The following SEMA5A variants were observed in gnomAD, a reference collection of about 807,000 sequenced individuals.
SEMA5A encodes the protein semaphorin-5A.
SEMA5A carries 55 observed loss-of-function variants against 135.5 expected under a neutral mutation model. The observed-to-expected ratio is 0.41, with a 90% CI of 0.33 to 0.51. SEMA5A has a LOEUF of 0.51. Ranked by LOEUF, SEMA5A falls within the 20% of genes least tolerant of loss-of-function variation. The pLI, the probability that SEMA5A is intolerant of heterozygous loss-of-function variation, is 0.37. For synonymous variants in SEMA5A, 580 were observed against 546.5 expected, an observed-to-expected ratio of 1.06 and a Z score of -0.85; for missense variants, 1,290 against 1,419.9, an observed-to-expected ratio of 0.91 and a Z score of 1.47.
chr5:9,291,246 C>T lies in SEMA5A; in HGVS notation c.270+27126G>A, dbSNP rs189352703. ...CCAGAGTTTAAACAAGTTCTGGATG[C>T]GGCAGATTTTGCACTTCGCGGATGG... is the stretch of plus-strand genomic sequence containing the variant. On this transcript the variant is annotated intron_variant, in intron 5 of 22. Coordinates refer to ENST00000382496, the MANE Select transcript of SEMA5A (RefSeq NM_003966.3). Among the ~76,000 whole-genome samples the T allele has an allele frequency of 8.5e-5, 13 of 152,226 alleles. No homozygotes were observed. The East Asian group carries it at 1.7e-3, about 20-fold the overall frequency.
At chr5:9,106,887 T>A (rs1739945487) in intron 16 of SEMA5A, among the ~76,000 whole-genome samples, 1 of 152,214 alleles carries the variant, frequency 6.6e-6, no homozygotes, top group African/African-American at 2.4e-5. Context: ...TACGACAGTA[T>A]CTTTTCCATT....
At chr5:9,169,257 G>A (rs909039881) in intron 11 of SEMA5A, among the ~76,000 whole-genome samples, 1 of 152,158 alleles carries the variant, frequency 6.6e-6, no homozygotes, top group Non-Finnish European at 1.5e-5. Context: ...ATTTCACAAT[G>A]TGTTCGCATA....
chr5:9,508,939 A>G (rs184874841), intron 1 of SEMA5A, among the ~76,000 whole-genome samples: 6 of 152,300 alleles, frequency 3.9e-5, no homozygotes, highest in African/African-American at 1.2e-4. Flanking sequence ...ACAATGAGGC[A>G]ACCCCAAGGA....
chr5:9,535,914 G>C (rs1243016203), intron 1 of SEMA5A, among the ~76,000 whole-genome samples: 1 of 152,132 alleles, frequency 6.6e-6, no homozygotes, highest in East Asian at 1.9e-4. Context: ...TAACTGAATA[G>C]CCATACGTGC....
chr5:9,135,701 G>A (rs1187574372), intron 13 of SEMA5A, among the ~76,000 whole-genome samples: 3 of 152,064 alleles, frequency 2.0e-5, no homozygotes, highest in Non-Finnish European at 4.4e-5. Flanking sequence ...GTTTTGTAAA[G>A]GCAACATGAC....
chr5:9,085,812 T>C (rs180766608), intron 16 of SEMA5A, among the ~76,000 whole-genome samples: 3 of 152,190 alleles, frequency 2.0e-5, no homozygotes, highest in Admixed American at 1.3e-4. Flanking sequence ...GCTTGCACCA[T>C]GCACCCGGAA....
rs200542471 is a variant in SEMA5A, at chr5:9,376,705, C to A, written c.124+3118G>T. 3.3e-5 allele frequency among the ~76,000 whole-genome samples: 5 copies of A among 152,034 alleles called. No homozygotes were observed. The East Asian group carries it at 9.7e-4, about 29-fold the overall frequency. ...TTAAATGTTCATTGAAGGTTCACTCCGAATTAAAAACATGCAAATAAAAAT... is the reference window on the plus strand; with the variant it reads ...TTAAATGTTCATTGAAGGTTCACTCAGAATTAAAAACATGCAAATAAAAAT... On this transcript the variant is annotated intron_variant, in intron 3 of 22. Coordinates refer to ENST00000382496, the MANE Select transcript of SEMA5A (RefSeq NM_003966.3).
chr5:9,456,862 C>T (rs17259381), intron 1 of SEMA5A, among the ~76,000 whole-genome samples: 5,064 of 152,216 alleles, frequency 0.033, 95 homozygotes, highest in Middle Eastern at 0.054. Context: ...GGCTGTCTTA[C>T]CCAAGTAGAA....
At chr5:9,148,864 C>T (rs949605390) in intron 12 of SEMA5A, among the ~76,000 whole-genome samples, 5 of 152,106 alleles carry the variant, frequency 3.3e-5, no homozygotes, top group African/African-American at 1.2e-4. Flanking sequence ...TGATTTCAGG[C>T]ATGCGCTACC....
At chr5:9,452,727 C>A (rs1302609536) in intron 1 of SEMA5A, among the ~76,000 whole-genome samples, 1 of 152,106 alleles carries the variant, frequency 6.6e-6, no homozygotes, top group Non-Finnish European at 1.5e-5. Flanking sequence ...ATAAGAGGAA[C>A]CCCAGTTTCC....
At chr5:9,518,575 A>G (rs574999589) in intron 1 of SEMA5A, among the ~76,000 whole-genome samples, 1 of 152,206 alleles carries the variant, frequency 6.6e-6, no homozygotes, top group Non-Finnish European at 1.5e-5. Context: ...AACTTCACCC[A>G]ATTATGCCAA....
chr5:9,209,769 C>T (rs1261396370), intron 8 of SEMA5A, among the ~76,000 whole-genome samples: 2 of 152,116 alleles, frequency 1.3e-5, no homozygotes, highest in African/African-American at 4.8e-5. Flanking sequence ...GTCAGAGGCC[C>T]TTGACTGGGA....
intron 11 of SEMA5A, among the ~76,000 whole-genome samples, chr5:9,176,500 C>A (rs1294575844): frequency 2.6e-5 from 4 of 152,208 alleles, no homozygotes; most frequent in African/African-American, 9.6e-5. Flanking sequence ...GGTCCAGGAC[C>A]ATGGAAATTG....
rs191381228 is a variant in SEMA5A at position 9,477,834 on chromosome 5, A to G, written c.-174-39982T>C. Among the ~76,000 whole-genome samples, 494 of 152,346 alleles carry G rather than the reference A, an allele frequency of 3.2e-3. 2 individuals are homozygous for G. The South Asian group carries it at 0.042, about 13-fold the overall frequency. On this transcript the variant is annotated intron_variant, in intron 1 of 22. Transcript: ENST00000382496. ...CAGTCTGACCATGCAGTAGAAAAGA[A>G]AAAAACATTTCATAGGGAGAAATTC...
intron 5 of SEMA5A, among the ~76,000 whole-genome samples, chr5:9,292,650 G>T (rs1204748549): frequency 6.6e-6 from 1 of 151,608 alleles, no homozygotes; most frequent in Non-Finnish European, 1.5e-5. Context: ...AATAAAAGCT[G>T]CAAAAAAAAC....
At chr5:9,150,447 T>TCTC (rs1397059167) in intron 12 of SEMA5A, among the ~76,000 whole-genome samples, 2 of 152,196 alleles carry the variant, frequency 1.3e-5, no homozygotes, top group Non-Finnish European at 2.9e-5. Flanking sequence ...TGAATGATTT[T>TCTC]CTCACTCTAT....
chr5:9,177,289 T>C (rs1279346538), intron 11 of SEMA5A, among the ~76,000 whole-genome samples: 2 of 152,164 alleles, frequency 1.3e-5, no homozygotes, highest in East Asian at 1.9e-4. Flanking sequence ...GACTTCAGGG[T>C]GCAGGTTACA....
chr5:9,257,686 C>G (rs918318846), intron 5 of SEMA5A, among the ~76,000 whole-genome samples: 1 of 152,090 alleles, frequency 6.6e-6, no homozygotes, highest in African/African-American at 2.4e-5. Flanking sequence ...TTACCCTTCC[C>G]CTTGGTCATA....
intron 11 of SEMA5A, among the ~76,000 whole-genome samples, chr5:9,171,673 C>A (rs540903143): frequency 1.9e-4 from 29 of 152,220 alleles, no homozygotes; most frequent in African/African-American, 6.3e-4. Flanking sequence ...GAGTCTTAAC[C>A]AATTCATTGC....
Sources: gnomAD v4.1 joint callset for allele counts (sites outside exome capture counted in the v4.1 genomes callset) on GRCh38, gnomAD v4.1.1 for gene constraint, MANE v1.5 for transcripts, NCBI Gene and HGNC (gene_info 2026-07-23, HGNC 2026-07-21) for gene names.